PARD3B: variants seen among roughly 807,000 people sequenced by gnomAD.
PARD3B encodes par-3 family cell polarity regulator beta.
Under a neutral mutation model 130.2 loss-of-function variants are expected in PARD3B, and 103 were observed. The ratio of observed to expected loss-of-function variants is 0.79; its 90% CI spans 0.67 to 0.93. The LOEUF is 0.93. Ranked by LOEUF, PARD3B falls within the 40% of genes least tolerant of loss-of-function variation. PARD3B has a pLI of 0.00. For synonymous variants in PARD3B, 583 were observed against 553.2 expected (o/e 1.05, Z -0.76); for missense variants, 1,609 against 1,499.2 (o/e 1.07, Z -1.21).
chr2:205,123,114 A>C (rs1006318606), intron 8 of PARD3B, among the ~76,000 whole-genome samples: 52 of 152,242 alleles, frequency 3.4e-4, no homozygotes, highest in Admixed American at 7.9e-4. Flanking sequence ...CAGCAAAAAG[A>C]TACACTGAAG....
Position 205,207,136 on chromosome 2 carries a change from G to A in PARD3B, c.2140+13816G>A, listed in dbSNP as rs567403508. Among the ~76,000 whole-genome samples the A allele has an allele frequency of 7.1e-3, 1,019 of 142,530 alleles. 37 individuals are homozygous for A. Among genetic ancestry groups the A allele is most frequent in the African/African-American group, 0.026 (955 of 36,110 alleles). The allele number at this position is 142,530 out of a possible 152,430, so 93.5% of individuals were successfully genotyped here. A position where few individuals can be genotyped will look rare whatever the true frequency, so the allele number is the denominator to read the frequency against. ...ATGACTACTGGGTATATAACGAAATGAAGGCAGAAATAAAGATGTTCTTTG... is the reference window on the plus strand; with the variant it reads ...ATGACTACTGGGTATATAACGAAATAAAGGCAGAAATAAAGATGTTCTTTG... On this transcript the variant is annotated intron_variant, in intron 15 of 22. Transcript: ENST00000406610.
At chr2:204,837,860 A>G (rs1002070823) in intron 2 of PARD3B, among the ~76,000 whole-genome samples, 3 of 152,146 alleles carry the variant, frequency 2.0e-5, no homozygotes, top group African/African-American at 7.2e-5. Context: ...AACCCATCAC[A>G]TATTTGAAGA....
chr2:205,266,593 A>G (rs2336413), intron 16 of PARD3B, among the ~76,000 whole-genome samples: 84,803 of 151,894 alleles, frequency 0.56, 24,973 homozygotes, highest in East Asian at 0.7. Context: ...AGTGGTTGCA[A>G]TTACTGTGGT....
At chr2:204,870,271 T>C (rs1372494585) in intron 2 of PARD3B, among the ~76,000 whole-genome samples, 2 of 152,132 alleles carry the variant, frequency 1.3e-5, no homozygotes, top group Admixed American at 6.6e-5. Flanking sequence ...TGACAATTAA[T>C]TGGATAACTA....
chr2:205,000,032 T>A (rs192806590), intron 3 of PARD3B, among the ~76,000 whole-genome samples: 1,590 of 152,122 alleles, frequency 0.01, 21 homozygotes, highest in East Asian at 0.044. Context: ...TTTTTTTTTT[T>A]ATCGTGCTCC....
intron 3 of PARD3B, among the ~76,000 whole-genome samples, chr2:204,976,084 T>G (rs1692115489): frequency 6.6e-6 from 1 of 152,188 alleles, no homozygotes; most frequent in African/African-American, 2.4e-5. Context: ...TTAGGCAAAA[T>G]TTTCATCTCT....
chr2:204,796,387 A>G (rs2042376909), intron 2 of PARD3B, among the ~76,000 whole-genome samples: 1 of 152,236 alleles, frequency 6.6e-6, no homozygotes. Flanking sequence ...CTCACTTGGA[A>G]AATGCCACAG....
Position 204,590,521 on chromosome 2 carries a change from C to T in PARD3B, c.120+44402C>T, listed in dbSNP as rs1397301585. Reference sequence around the variant, plus strand: ...CCAGTCATTAAGAACCCTTACTCCACTCTCTTCTGGGCATATGGCAAGTGA... The same window carrying T: ...CCAGTCATTAAGAACCCTTACTCCATTCTCTTCTGGGCATATGGCAAGTGA... On this transcript the variant is annotated intron_variant, in intron 1 of 22. Transcript: ENST00000406610. Among the ~76,000 whole-genome samples the T allele has an allele frequency of 8.5e-5, 13 of 152,186 alleles. 1 individual carries two copies. Among genetic ancestry groups the T allele is most frequent in the Admixed American group, 8.5e-4 (13 of 15,272 alleles).
chr2:204,881,700 G>A (rs985761916), intron 2 of PARD3B, among the ~76,000 whole-genome samples: 1 of 152,112 alleles, frequency 6.6e-6, no homozygotes, highest in African/African-American at 2.4e-5. Flanking sequence ...GGCTAATGAA[G>A]GAAACTCTGA....
At chr2:205,239,856 A>T (rs1057292404) in intron 15 of PARD3B, among the ~76,000 whole-genome samples, 1 of 152,190 alleles carries the variant, frequency 6.6e-6, no homozygotes. Context: ...CTTTTGGGAA[A>T]GCTTGCTAAG....
chr2:204,998,325 T>TAG, intron 3 of PARD3B, among the ~76,000 whole-genome samples: 1 of 34,750 alleles, frequency 2.9e-5, no homozygotes, highest in Admixed American at 4.1e-4. Context: ...TATATATATA[T>TAG]ATATATATAT....
intron 18 of PARD3B, among the ~76,000 whole-genome samples, chr2:205,382,431 G>C (rs2045486685): frequency 6.6e-6 from 1 of 152,036 alleles, no homozygotes; most frequent in Non-Finnish European, 1.5e-5. Flanking sequence ...TGTTCATCTT[G>C]ATCATTTCAT....
At chr2:205,164,459 C>T (rs1230630335) in intron 11 of PARD3B, among the ~76,000 whole-genome samples, 15 of 151,954 alleles carry the variant, frequency 9.9e-5, no homozygotes, top group Admixed American at 9.8e-4. Flanking sequence ...ACAGCGAGAC[C>T]CCATCTCTTT....
intron 15 of PARD3B, among the ~76,000 whole-genome samples, chr2:205,203,842 C>T (rs141657269): frequency 6.6e-5 from 10 of 152,282 alleles, no homozygotes; most frequent in African/African-American, 2.4e-4. Context: ...TTTCTTAATC[C>T]AGTCTATCCT....
At chr2:205,034,264 T>C (rs146954174) in intron 3 of PARD3B, among the ~76,000 whole-genome samples, 2,799 of 152,258 alleles carry the variant, frequency 0.018, 288 homozygotes, top group Admixed American at 0.16. Flanking sequence ...TCCTAAGTGA[T>C]TGACTAAAGG....
intron 19 of PARD3B, among the ~76,000 whole-genome samples, chr2:205,402,209 A>G (rs936822220): frequency 2.0e-5 from 3 of 152,218 alleles, no homozygotes; most frequent in Non-Finnish European, 2.9e-5. Flanking sequence ...TTCTAAGGTC[A>G]CTGGAGCAGT....
chr2:205,054,490 C>T (rs1226055532), intron 4 of PARD3B, among the ~76,000 whole-genome samples: 3 of 124,380 alleles, frequency 2.4e-5, no homozygotes, highest in African/African-American at 6.2e-5. Flanking sequence ...TATATGTGCA[C>T]AACGTGCAGG....
intron 18 of PARD3B, among the ~76,000 whole-genome samples, chr2:205,307,365 T>C (rs986818711): frequency 6.6e-6 from 1 of 152,258 alleles, no homozygotes; most frequent in Non-Finnish European, 1.5e-5. Context: ...CCTTGCATGA[T>C]TCAAGTGTGA....
At chr2:204,835,765 C>T (rs896581063) in intron 2 of PARD3B, among the ~76,000 whole-genome samples, 9 of 152,198 alleles carry the variant, frequency 5.9e-5, no homozygotes, top group African/African-American at 2.2e-4. Context: ...GAATATGTGG[C>T]GTGATCCTCA....
Sources: allele counts gnomAD v4.1 joint callset (sites outside exome capture counted in the v4.1 genomes callset), GRCh38; gene constraint gnomAD v4.1.1; transcripts MANE v1.5; gene names NCBI Gene and HGNC (gene_info 2026-07-23, HGNC 2026-07-21).